THSD7B: variants seen among roughly 807,000 people sequenced by gnomAD.
The protein encoded by THSD7B is thrombospondin type-1 domain-containing protein 7B.
In THSD7B, 138 loss-of-function variants were observed where a neutral mutation model predicts 213.6. That is an observed-to-expected ratio of 0.65 (90% CI 0.56 to 0.74). The LOEUF (loss-of-function observed/expected upper bound fraction) is 0.74, where lower values mean the gene tolerates loss of function less well. Among genes scored for constraint, THSD7B ranks in the 30% least tolerant of loss-of-function variants. The pLI is 0.00. For synonymous variants in THSD7B, 742 were observed against 687.0 expected (o/e 1.08, Z -1.25); for missense variants, 1,931 against 1,991.5 (o/e 0.97, Z 0.58).
intron 3 of THSD7B, among the ~76,000 whole-genome samples, chr2:137,076,717 C>A (rs766438006): frequency 1.3e-5 from 2 of 152,182 alleles, no homozygotes; most frequent in Non-Finnish European, 2.9e-5. Context: ...TGTTCCTATT[C>A]GGCCATCTTG....
intron 20 of THSD7B, among the ~76,000 whole-genome samples, chr2:137,635,461 C>T (rs1682815588): frequency 6.6e-6 from 1 of 152,126 alleles, no homozygotes; most frequent in Non-Finnish European, 1.5e-5. Flanking sequence ...ACTCTGAGAA[C>T]AGAAAGAGTC....
chr2:137,148,050 T>A (rs949270643), intron 5 of THSD7B, among the ~76,000 whole-genome samples: 1 of 152,126 alleles, frequency 6.6e-6, no homozygotes, highest in Admixed American at 6.5e-5. Context: ...GAATTGTAGT[T>A]CCCATAATCC....
intron 15 of THSD7B, among the ~76,000 whole-genome samples, chr2:137,454,180 C>A (rs1000401764): frequency 3.9e-5 from 6 of 152,074 alleles, no homozygotes; most frequent in Non-Finnish European, 8.8e-5. Context: ...TGTAGAACTG[C>A]CATATAATTT....
At chr2:137,658,618 G>T (rs180965582) in intron 24 of THSD7B, among the ~76,000 whole-genome samples, 1 of 152,256 alleles carries the variant, frequency 6.6e-6, no homozygotes, top group East Asian at 1.9e-4. Context: ...GTAGAAATAG[G>T]ACTGTGTGGT....
chr2:137,529,054 A>T (rs1183041716), intron 15 of THSD7B, among the ~76,000 whole-genome samples: 2 of 152,038 alleles, frequency 1.3e-5, no homozygotes, highest in African/African-American at 4.8e-5. Flanking sequence ...GCAAACTACT[A>T]CTTATGGCTA....
At chr2:137,122,112 T>A (rs372784455) in intron 5 of THSD7B, among the ~76,000 whole-genome samples, 1 of 152,204 alleles carries the variant, frequency 6.6e-6, no homozygotes, top group African/African-American at 2.4e-5. Context: ...CCAGTAGTTT[T>A]GGGCTAAGGC....
chr2:137,047,209 A>G (rs1686987744), intron 2 of THSD7B, among the ~76,000 whole-genome samples: 2 of 152,156 alleles, frequency 1.3e-5, no homozygotes, highest in Admixed American at 1.3e-4. Flanking sequence ...TGGCGGTGGA[A>G]TGGGATGAAG....
At chr2:137,018,098 T>C (rs1021085750) in intron 2 of THSD7B, among the ~76,000 whole-genome samples, 1 of 151,984 alleles carries the variant, frequency 6.6e-6, no homozygotes, top group African/African-American at 2.4e-5. Context: ...GTGTTGAAAA[T>C]GTAAGTCTTC....
intron 2 of THSD7B, among the ~76,000 whole-genome samples, chr2:136,964,996 G>A (rs1685288381): frequency 7.5e-6 from 1 of 133,266 alleles, no homozygotes; most frequent in South Asian, 2.5e-4. Context: ...GGGTGACAGA[G>A]TGAGACCCTG....
At chr2:137,641,539 A>C (rs1682937310) in intron 20 of THSD7B, among the ~76,000 whole-genome samples, 1 of 152,266 alleles carries the variant, frequency 6.6e-6, no homozygotes, top group Non-Finnish European at 1.5e-5. Flanking sequence ...ATAGTAATTA[A>C]ATTATATGTG....
intron 9 of THSD7B, among the ~76,000 whole-genome samples, chr2:137,238,835 G>C (rs1344826881): frequency 1.3e-5 from 2 of 150,614 alleles, no homozygotes; most frequent in Admixed American, 6.6e-5. Context: ...TTACAGGCGT[G>C]AGCCACCGCG....
intron 12 of THSD7B, among the ~76,000 whole-genome samples, chr2:137,279,283 C>G (rs1374539797): frequency 6.6e-6 from 1 of 152,060 alleles, no homozygotes; most frequent in Non-Finnish European, 1.5e-5. Context: ...TGCCTGTAAT[C>G]TCAGCACTTT....
chr2:136,807,827 T>C (rs1275403960), intron 1 of THSD7B, among the ~76,000 whole-genome samples: 1 of 152,186 alleles, frequency 6.6e-6, no homozygotes, highest in Non-Finnish European at 1.5e-5. Flanking sequence ...CTAGCTAATC[T>C]TGTATATTTC....
At chr2:137,149,448 A>G (rs1679770596) in intron 5 of THSD7B, among the ~76,000 whole-genome samples, 1 of 152,152 alleles carries the variant, frequency 6.6e-6, no homozygotes, top group African/African-American at 2.4e-5. Context: ...AGGTCCACCA[A>G]CAGCTTTTGC....
intron 7 of THSD7B, among the ~76,000 whole-genome samples, chr2:137,226,929 T>C (rs1343684919): frequency 6.6e-6 from 1 of 152,152 alleles, no homozygotes; most frequent in Non-Finnish European, 1.5e-5. Flanking sequence ...TTCTGAAACA[T>C]GCTGTAAGGT....
intron 15 of THSD7B, among the ~76,000 whole-genome samples, chr2:137,559,251 T>C (rs1165733142): frequency 5.9e-5 from 9 of 152,116 alleles, no homozygotes; most frequent in Non-Finnish European, 1.0e-4. Flanking sequence ...GAGCCCGCAT[T>C]GCCAAGTCAA....
At chr2:137,569,231 C>T (rs528674950) in intron 16 of THSD7B, among the ~76,000 whole-genome samples, 2 of 152,336 alleles carry the variant, frequency 1.3e-5, no homozygotes, top group Admixed American at 6.5e-5. Context: ...TCTGCTGATA[C>T]CTGACTCTCT....
intron 14 of THSD7B, among the ~76,000 whole-genome samples, chr2:137,431,183 C>T (rs1224226734): frequency 6.6e-6 from 1 of 152,102 alleles, no homozygotes; most frequent in African/African-American, 2.4e-5. Flanking sequence ...TTAAGAAATA[C>T]ATTGGTTTGA....
At chr2:137,082,592 C>T (rs1026293244) in intron 3 of THSD7B, among the ~76,000 whole-genome samples, 1 of 152,028 alleles carries the variant, frequency 6.6e-6, no homozygotes, top group African/African-American at 2.4e-5. Context: ...TTAGTTTTGG[C>T]CATTCTACAA....
Sources: allele counts gnomAD v4.1 joint callset (sites outside exome capture counted in the v4.1 genomes callset), GRCh38; gene constraint gnomAD v4.1.1; transcripts MANE v1.5; gene names NCBI Gene and HGNC (gene_info 2026-07-23, HGNC 2026-07-21).